The following CAMTA1 variants were observed in gnomAD, a reference collection of about 807,000 sequenced individuals.
CAMTA1 encodes the protein calmodulin-binding transcription activator 1.
CAMTA1 carries 27 observed loss-of-function variants against 170.9 expected under a neutral mutation model. The ratio of observed to expected loss-of-function variants is 0.16; its 90% CI spans 0.12 to 0.22. The LOEUF (loss-of-function observed/expected upper bound fraction) is 0.22. Ranked by LOEUF, CAMTA1 falls within the 10% of genes least tolerant of loss-of-function variation. The probability of loss-of-function intolerance (pLI) is 1.00; values close to 1 mark genes in which losing one functional copy is unlikely to be tolerated. For missense variants in CAMTA1, 1,619 were observed against 2,217.2 expected (o/e 0.73, Z 5.42); for synonymous variants, 833 against 891.5 (o/e 0.93, Z 1.17).
intron 6 of CAMTA1, among the ~76,000 whole-genome samples, chr1:7,513,070 C>T (rs922114191): frequency 2.0e-5 from 3 of 151,976 alleles, no homozygotes; most frequent in Non-Finnish European, 4.4e-5. Flanking sequence ...CCCAACACCA[C>T]CCCGTGCCCC....
chr1:7,558,017 G>A (rs1184655730), intron 6 of CAMTA1, among the ~76,000 whole-genome samples: 4 of 152,144 alleles, frequency 2.6e-5, no homozygotes, highest in Non-Finnish European at 4.4e-5. Flanking sequence ...TGTGCCTCTC[G>A]CCTCTGCCAT....
chr1:7,679,986 T>C (rs1208419740), intron 11 of CAMTA1, among the ~76,000 whole-genome samples: 1 of 151,944 alleles, frequency 6.6e-6, no homozygotes, highest in African/African-American at 2.4e-5. Flanking sequence ...CTATTCTTTT[T>C]CCCCCTAAAT....
At chr1:6,895,476 C>T (rs1443308528) in intron 3 of CAMTA1, among the ~76,000 whole-genome samples, 1 of 152,222 alleles carries the variant, frequency 6.6e-6, no homozygotes, top group African/African-American at 2.4e-5. Context: ...AATAGATTCC[C>T]CATGCACTAG....
chr1:6,785,625 A>C, intron 1 of CAMTA1, 50 bp downstream of exon 1: 2 of 954,008 alleles, frequency 2.1e-6, no homozygotes, highest in Non-Finnish European at 2.5e-6. Context: ...GGGCGGCGGG[A>C]CCCGGCCCCG....
rs757245897 is a variant in CAMTA1, at chr1:7,602,080, TTTCCTTCCTTCCTTCCTTCCTTCC to T, written c.511-38278_511-38255del. 5.9e-3 allele frequency among the ~76,000 whole-genome samples: 420 copies of T among 71,046 alleles called. 3 individuals carry two copies. The highest frequency in any genetic ancestry group is 0.023 in the African/African-American group (398 of 17,240). 46.6% of individuals were successfully genotyped at this position (71,046 alleles called of 152,430 possible). ...GAGAGGAGGAGCCTTTCCAATTTTC[TTTCCTTCCTTCCTTCCTTCCTTCC>T]TTCCTTCCTTCCTTCCTTCCTTCCT... is the stretch of plus-strand genomic sequence containing the variant. On this transcript the variant is annotated intron_variant, in intron 6 of 22. Transcript: ENST00000303635.
At chr1:7,131,029 C>G (rs1489120904) in intron 4 of CAMTA1, among the ~76,000 whole-genome samples, 1 of 151,964 alleles carries the variant, frequency 6.6e-6, no homozygotes, top group Non-Finnish European at 1.5e-5. Context: ...TCTCGGCTCA[C>G]TGCAACCTCT....
intron 11 of CAMTA1, chr1:7,694,202 G>A (rs910597811): frequency 6.6e-6 from 1 of 152,166 alleles, no homozygotes; most frequent in African/African-American, 2.4e-5. Flanking sequence ...TATCTTTATC[G>A]AGGGAGGAAA....
intron 6 of CAMTA1, among the ~76,000 whole-genome samples, chr1:7,512,993 A>C (rs922625877): frequency 1.3e-5 from 2 of 152,188 alleles, no homozygotes; most frequent in Non-Finnish European, 2.9e-5. Flanking sequence ...GTTGCTGGAA[A>C]GGCTTGGCCT....
At chr1:7,722,604 T>A (rs2096656807) in intron 11 of CAMTA1, among the ~76,000 whole-genome samples, 2 of 152,330 alleles carry the variant, frequency 1.3e-5, no homozygotes, top group South Asian at 4.1e-4. Context: ...TGAAGTATAA[T>A]AAGGTAAATG....
chr1:7,629,541 C>T (rs900512829), intron 6 of CAMTA1, among the ~76,000 whole-genome samples: 12 of 152,240 alleles, frequency 7.9e-5, no homozygotes, highest in African/African-American at 2.4e-5. Context: ...GTGGGGGAAC[C>T]CGTATTCTTA....
intron 5 of CAMTA1, among the ~76,000 whole-genome samples, chr1:7,261,088 C>G (rs1558322625): frequency 6.6e-6 from 1 of 152,162 alleles, no homozygotes; most frequent in Non-Finnish European, 1.5e-5. Context: ...GAATGGGCCT[C>G]TTGAGAATCC....
chr1:7,408,880 C>T lies in CAMTA1; in HGVS notation c.439-58950C>T, dbSNP rs143402372. On this transcript the variant is annotated intron_variant, in intron 5 of 22. Coordinates refer to ENST00000303635, the MANE Select transcript of CAMTA1 (RefSeq NM_015215.4). Reference sequence around the variant, plus strand: ...CACGGTTCCCCCTCCCACTCACACACCTTCCTTTGCCACCCCTTGGTGCCT... The same window carrying T: ...CACGGTTCCCCCTCCCACTCACACATCTTCCTTTGCCACCCCTTGGTGCCT... 2.6e-5 allele frequency among the ~76,000 whole-genome samples: 4 copies of T among 152,354 alleles called. No homozygotes were observed. The East Asian group carries it at 7.7e-4, about 29-fold the overall frequency.
At chr1:6,930,688 C>T (rs1313235884) in intron 3 of CAMTA1, among the ~76,000 whole-genome samples, 1 of 152,206 alleles carries the variant, frequency 6.6e-6, no homozygotes. Flanking sequence ...GCTGCTTCCA[C>T]ACCCCTCTTG....
At chr1:7,154,059 C>T (rs773378325) in intron 4 of CAMTA1, among the ~76,000 whole-genome samples, 20 of 152,260 alleles carry the variant, frequency 1.3e-4, no homozygotes, top group East Asian at 3.9e-4. Context: ...CTGGAATTTC[C>T]GAGTGCCTGT....
At chr1:7,703,606 A>T (rs1186065299) in intron 11 of CAMTA1, among the ~76,000 whole-genome samples, 1 of 151,328 alleles carries the variant, frequency 6.6e-6, no homozygotes, top group East Asian at 1.9e-4. Context: ...CAGAAAAGAG[A>T]CTCCGCCCCC....
intron 11 of CAMTA1, among the ~76,000 whole-genome samples, chr1:7,726,036 G>A (rs1272037635): frequency 2.0e-5 from 3 of 152,252 alleles, no homozygotes; most frequent in Non-Finnish European, 4.4e-5. Flanking sequence ...CACTGGAAGG[G>A]AAGCTGAGAC....
chr1:7,485,180 T>C (rs1384911074), intron 6 of CAMTA1, among the ~76,000 whole-genome samples: 1 of 152,218 alleles, frequency 6.6e-6, no homozygotes, highest in Non-Finnish European at 1.5e-5. Context: ...ATGGCCTCCC[T>C]GTGTCCCCTG....
chr1:7,427,669 A>G (rs2091933028), intron 5 of CAMTA1, among the ~76,000 whole-genome samples: 1 of 152,156 alleles, frequency 6.6e-6, no homozygotes, highest in Admixed American at 6.5e-5. Context: ...CTTCAGAAAT[A>G]TTTTTAGCAA....
intron 3 of CAMTA1, among the ~76,000 whole-genome samples, chr1:6,833,040 G>A (rs916530041): frequency 3.3e-5 from 5 of 152,126 alleles, no homozygotes; most frequent in African/African-American, 1.2e-4. Flanking sequence ...AGCAGCAGCA[G>A]CACTCCACAG....
Sources: allele counts gnomAD v4.1 joint callset (sites outside exome capture counted in the v4.1 genomes callset), GRCh38; gene constraint gnomAD v4.1.1; transcripts MANE v1.5; gene names NCBI Gene and HGNC (gene_info 2026-07-23, HGNC 2026-07-21).